FBXL17: variants seen among roughly 807,000 people sequenced by gnomAD.
FBXL17 encodes the protein F-box/LRR-repeat protein 17.
In FBXL17, 22 loss-of-function variants were observed where a neutral mutation model predicts 66.2. The observed-to-expected ratio is 0.33, with a 90% CI of 0.24 to 0.47. The LOEUF (loss-of-function observed/expected upper bound fraction) is 0.47. FBXL17 is among the 20% of genes least tolerant of loss of function. The pLI is 1.00. For missense variants in FBXL17, 878 were observed against 948.2 expected, an observed-to-expected ratio of 0.93 and a Z score of 0.97; for synonymous variants, 474 against 400.5, an observed-to-expected ratio of 1.18 and a Z score of -2.19.
At chr5:108,100,576 C>T (rs1243145754) in intron 6 of FBXL17, among the ~76,000 whole-genome samples, 1 of 152,116 alleles carries the variant, frequency 6.6e-6, no homozygotes, top group Non-Finnish European at 1.5e-5. Flanking sequence ...TTATACCCTA[C>T]CAGGAGGCTG....
chr5:108,349,333 T>G (rs1747495238), intron 3 of FBXL17, among the ~76,000 whole-genome samples: 1 of 152,212 alleles, frequency 6.6e-6, no homozygotes, highest in Admixed American at 6.5e-5. Context: ...TACCAAGGTG[T>G]TCACAGTGGT....
At chr5:107,974,186 T>A (rs902939278) in intron 7 of FBXL17, among the ~76,000 whole-genome samples, 3 of 152,136 alleles carry the variant, frequency 2.0e-5, no homozygotes, top group Non-Finnish European at 4.4e-5. Context: ...TACATTAAAA[T>A]GTAAAAGAAT....
chr5:108,348,305 C>T lies in FBXL17; in HGVS notation c.1506+94G>A, dbSNP rs528583167. 48 of 1,199,816 alleles carry T rather than the reference C, an allele frequency of 4.0e-5. No homozygotes were observed. The Middle Eastern group carries it at 6.9e-4, about 17-fold the overall frequency. 74.3% of individuals were successfully genotyped at this position (1,199,816 alleles called of 1,614,324 possible). A position where few individuals can be genotyped will look rare whatever the true frequency, so the allele number is the denominator to read the frequency against. ...TGATTAAGTAGTATTTGAACCATCA[C>T]AAGAAAATAAGCAGAAAAAATTATA... On this transcript the variant is annotated intron_variant, in intron 4 of 8. Coordinates refer to ENST00000542267, the MANE Select transcript of FBXL17 (RefSeq NM_001163315.3).
At chr5:108,124,813 G>A (rs935192768) in intron 6 of FBXL17, among the ~76,000 whole-genome samples, 15 of 151,916 alleles carry the variant, frequency 9.9e-5, no homozygotes, top group Admixed American at 8.5e-4. Flanking sequence ...TATAACTTAC[G>A]CAGCTCCCTG....
chr5:107,888,072 A>G (rs1246833140), intron 7 of FBXL17, among the ~76,000 whole-genome samples: 1 of 152,226 alleles, frequency 6.6e-6, no homozygotes, highest in African/African-American at 2.4e-5. Flanking sequence ...ACATTATTAT[A>G]TTCTTCCTAT....
intron 8 of FBXL17, chr5:107,878,316 T>C (rs1748675266): frequency 1.1e-6 from 1 of 932,672 alleles, no homozygotes; most frequent in African/African-American, 1.8e-5. Flanking sequence ...AAAATTCCAG[T>C]ATCACAACAC....
intron 6 of FBXL17, among the ~76,000 whole-genome samples, chr5:108,154,675 ATATATATACACATATATATG>A (rs1751922485): frequency 6.9e-6 from 1 of 144,386 alleles, no homozygotes; most frequent in Non-Finnish European, 1.5e-5. Flanking sequence ...ATATATGTGT[ATATATATACACATATATATG>A]TATATACATA....
intron 8 of FBXL17, among the ~76,000 whole-genome samples, chr5:107,876,835 A>G (rs977856020): frequency 1.3e-5 from 2 of 152,208 alleles, no homozygotes; most frequent in African/African-American, 4.8e-5. Context: ...CACAAAAATA[A>G]TTTCTACGAC....
intron 4 of FBXL17, among the ~76,000 whole-genome samples, chr5:108,230,369 A>G (rs75865913): frequency 0.05 from 7,555 of 152,272 alleles, 626 homozygotes; most frequent in African/African-American, 0.17. Flanking sequence ...GTATATATAC[A>G]CAACAGAATA....
intron 6 of FBXL17, among the ~76,000 whole-genome samples, chr5:108,042,031 G>A (rs1483251527): frequency 1.3e-5 from 2 of 152,020 alleles, no homozygotes; most frequent in African/African-American, 4.8e-5. Flanking sequence ...AAGTAGCTGG[G>A]ATTACAGGCA....
At position 108,381,716 on chromosome 5, in the gene FBXL17, C is replaced by A; in HGVS notation, c.-25G>T. 1 of 1,429,176 alleles carries A rather than the reference C, an allele frequency of 7.0e-7. No individual in the cohort carries two copies. Among genetic ancestry groups the A allele is most frequent in the Non-Finnish European group, 9.1e-7 (1 of 1,097,638 alleles). 88.5% of individuals were successfully genotyped at this position (1,429,176 alleles called of 1,614,324 possible). A position where few individuals can be genotyped will look rare whatever the true frequency, so the allele number is the denominator to read the frequency against. Reference sequence around the variant, plus strand: ...TATAGAAGGCCCCGAGGAGGGGGACCGGGACGGGAGGGAGGGAGACCCAGA... The same window carrying A: ...TATAGAAGGCCCCGAGGAGGGGGACAGGGACGGGAGGGAGGGAGACCCAGA... On this transcript the variant is annotated 5_prime_UTR_variant, in exon 1 of 9. Transcript: ENST00000542267.
At chr5:108,021,349 G>C (rs1166112674) in intron 6 of FBXL17, among the ~76,000 whole-genome samples, 1 of 149,560 alleles carries the variant, frequency 6.7e-6, no homozygotes, top group Non-Finnish European at 1.5e-5. Flanking sequence ...GTAGAATATA[G>C]ATAGATCGTT....
At chr5:108,023,489 G>A (rs1408516165) in intron 6 of FBXL17, among the ~76,000 whole-genome samples, 3 of 152,064 alleles carry the variant, frequency 2.0e-5, no homozygotes, top group Non-Finnish European at 2.9e-5. Flanking sequence ...TCATGTTCCC[G>A]GCTAGTGTCT....
At chr5:108,181,866 A>G (rs191610674) in intron 6 of FBXL17, among the ~76,000 whole-genome samples, 4 of 152,270 alleles carry the variant, frequency 2.6e-5, no homozygotes, top group Admixed American at 1.3e-4. Context: ...CTGATTAGCC[A>G]TTCACTTTTT....
At chr5:107,875,609 C>T (rs925062190) in intron 8 of FBXL17, among the ~76,000 whole-genome samples, 44 of 152,164 alleles carry the variant, frequency 2.9e-4, no homozygotes, top group Non-Finnish European at 8.8e-5. Flanking sequence ...TCTGTATTGG[C>T]TTCTTATGGA....
intron 5 of FBXL17, among the ~76,000 whole-genome samples, chr5:108,191,695 T>G (rs994703943): frequency 6.6e-5 from 10 of 152,182 alleles, no homozygotes; most frequent in Non-Finnish European, 1.5e-4. Flanking sequence ...TTAGAAAGCT[T>G]GCATCCAGGC....
intron 4 of FBXL17, among the ~76,000 whole-genome samples, chr5:108,224,465 C>T (rs1214467912): frequency 6.6e-6 from 1 of 152,072 alleles, no homozygotes; most frequent in African/African-American, 2.4e-5. Flanking sequence ...CATGTTGACA[C>T]TGGCTACCTC....
chr5:108,084,937 T>G (rs1478319893), intron 6 of FBXL17, among the ~76,000 whole-genome samples: 1 of 152,256 alleles, frequency 6.6e-6, no homozygotes, highest in Non-Finnish European at 1.5e-5. Context: ...TTTATTTGTT[T>G]TTCTTTTCTC....
At chr5:108,233,834 G>C (rs1561479554) in intron 4 of FBXL17, among the ~76,000 whole-genome samples, 1 of 152,160 alleles carries the variant, frequency 6.6e-6, no homozygotes, top group African/African-American at 2.4e-5. Context: ...ATCTTAAGCT[G>C]CTAAACCTAA....
Sources: allele counts gnomAD v4.1 joint callset (sites outside exome capture counted in the v4.1 genomes callset), GRCh38; gene constraint gnomAD v4.1.1; transcripts MANE v1.5; gene names NCBI Gene and HGNC (gene_info 2026-07-23, HGNC 2026-07-21).